Variants in DRC4 observed in about 807,000 individuals in gnomAD.
DRC4 encodes GAS-11.
chr16:90,040,525 G>C, the DRC4 span: 2 of 1,582,568 alleles, frequency 1.3e-6, no homozygotes, highest in Non-Finnish European at 1.7e-6. Context: ...CCCTAGACAG[G>C]CTCCTGACCC....
At chr16:90,022,821 G>C in the DRC4 span, 3 of 1,158,392 alleles carry the variant, frequency 2.6e-6, no homozygotes, top group Non-Finnish European at 3.4e-6. Flanking sequence ...GGAATGGGAG[G>C]CCTGGAGCGC....
the DRC4 span, among the ~76,000 whole-genome samples, chr16:90,038,162 T>C: frequency 6.3e-3 from 961 of 152,332 alleles, 10 homozygotes; most frequent in African/African-American, 0.022. Context: ...CACACATGAC[T>C]TTCGTCCCCT....
chr16:90,028,764 C>T, the DRC4 span: 5 of 487,450 alleles, frequency 1.0e-5, no homozygotes, highest in Non-Finnish European at 1.7e-5. Context: ...GAGCACCTGA[C>T]ATGGGACATG....
At chr16:90,024,579 G>T in the DRC4 span, among the ~76,000 whole-genome samples, 1 of 152,200 alleles carries the variant, frequency 6.6e-6, no homozygotes, top group Non-Finnish European at 1.5e-5. Context: ...TCTTCACAAT[G>T]CCTGGGAAGG....
chr16:90,043,955 A>T, the DRC4 span: 1 of 420,756 alleles, frequency 2.4e-6, no homozygotes, highest in Non-Finnish European at 5.0e-6. Flanking sequence ...GGGCACGTGG[A>T]ACTTCTGGGC....
chr16:90,039,536 C>T, the DRC4 span, among the ~76,000 whole-genome samples: 8 of 152,048 alleles, frequency 5.3e-5, no homozygotes, highest in Admixed American at 3.3e-4. Flanking sequence ...CAGGCGCCTG[C>T]CACCACGCCC....
At chr16:90,035,732 C>T in the DRC4 span, 266 of 1,614,146 alleles carry the variant, frequency 1.6e-4, no homozygotes, top group African/African-American at 3.0e-3. Flanking sequence ...GAGACACCCC[C>T]GCCCCATCAG....
chr16:90,041,599 T>A, the DRC4 span, among the ~76,000 whole-genome samples: 4 of 151,344 alleles, frequency 2.6e-5, no homozygotes, highest in African/African-American at 4.9e-5. Flanking sequence ...AGTTTGGGAG[T>A]TCAAGACCAG....
At chr16:90,028,100 A>T in the DRC4 span, 2 of 164,286 alleles carry the variant, frequency 1.2e-5, no homozygotes, top group Non-Finnish European at 2.6e-5. Flanking sequence ...ACCATTAAAC[A>T]TTATGTCAAA....
chr16:90,031,574 TGG>T, the DRC4 span: 83 of 1,415,744 alleles, frequency 5.9e-5, no homozygotes, highest in Non-Finnish European at 7.7e-5. Flanking sequence ...AGGGTGCAGG[TGG>T]GACATTTTCT....
chr16:90,026,921 T>C, the DRC4 span, among the ~76,000 whole-genome samples: 2 of 151,516 alleles, frequency 1.3e-5, no homozygotes, highest in Admixed American at 1.3e-4. Flanking sequence ...TAAGTTACAG[T>C]TTGCTTTTTG....
chr16:90,030,167 C>T, the DRC4 span, among the ~76,000 whole-genome samples: 1 of 151,972 alleles, frequency 6.6e-6, no homozygotes, highest in African/African-American at 2.4e-5. Flanking sequence ...ATTTTAGAGT[C>T]TACTGGTTTT....
the DRC4 span, chr16:90,036,016 G>T: frequency 2.1e-6 from 2 of 972,022 alleles, no homozygotes; most frequent in East Asian, 6.1e-5. Flanking sequence ...GGTCTGAGAA[G>T]GCTCCAATTT....
At chr16:90,031,587 G>C in the DRC4 span, 389,917 of 1,359,666 alleles carry the variant, frequency 0.29, 58,076 homozygotes, top group South Asian at 0.4. Context: ...GACATTTTCT[G>C]TTCTTGGCTT....
the DRC4 span, chr16:90,027,889 G>A: frequency 6.5e-6 from 4 of 615,922 alleles, no homozygotes; most frequent in African/African-American, 5.6e-5. Context: ...GCTTTCGGCT[G>A]CACCATGTCT....
chr16:90,031,199 A>T, the DRC4 span: 1 of 1,566,460 alleles, frequency 6.4e-7, no homozygotes, highest in Non-Finnish European at 8.6e-7. Context: ...GGTGAAGTTG[A>T]GTCCTCCCTC....
chr16:90,022,736 C>CG, the DRC4 span: 1 of 1,405,558 alleles, frequency 7.1e-7, no homozygotes, highest in Non-Finnish European at 9.3e-7. Context: ...TGAGCAGGGG[C>CG]GGGAGCGGGG....
the DRC4 span, among the ~76,000 whole-genome samples, chr16:90,032,420 G>C: frequency 0.23 from 31,919 of 138,288 alleles, 3,763 homozygotes; most frequent in South Asian, 0.38. Flanking sequence ...TACAGGTGTG[G>C]TATGGGTGAC....
the DRC4 span, among the ~76,000 whole-genome samples, chr16:90,031,754 CAT>C: frequency 6.6e-6 from 1 of 152,204 alleles, no homozygotes; most frequent in African/African-American, 2.4e-5. Context: ...CTTAATACCC[CAT>C]GAGCTGGGGA....
Sources: allele counts gnomAD v4.1 joint callset (sites outside exome capture counted in the v4.1 genomes callset), GRCh38; gene constraint gnomAD v4.1.1; transcripts MANE v1.5; gene names NCBI Gene and HGNC (gene_info 2026-07-23, HGNC 2026-07-21).